LGR5: variants seen among roughly 807,000 people sequenced by gnomAD.
LGR5 encodes the protein leucine-rich repeat-containing G protein-coupled receptor 5.
LGR5 carries 54 observed loss-of-function variants against 76.7 expected under a neutral mutation model. The observed-to-expected ratio is 0.70, with a 90% CI of 0.57 to 0.88. The LOEUF (loss-of-function observed/expected upper bound fraction) is 0.88. LGR5 is among the 40% of genes least tolerant of loss of function. LGR5 has a pLI of 0.00. For missense variants in LGR5, 1,078 were observed against 1,073.3 expected, an observed-to-expected ratio of 1.00 and a Z score of -0.06; for synonymous variants, 406 against 421.9, an observed-to-expected ratio of 0.96 and a Z score of 0.46.
At chr12:71,525,538 A>G (rs1240695316) in intron 3 of LGR5, among the ~76,000 whole-genome samples, 5 of 151,890 alleles carry the variant, frequency 3.3e-5, no homozygotes, top group Admixed American at 1.3e-4. Context: ...AAACCCCCCA[A>G]AAAAATTTGG....
chr12:71,513,636 G>T (rs987507521), intron 2 of LGR5, among the ~76,000 whole-genome samples: 93 of 151,632 alleles, frequency 6.1e-4, no homozygotes, highest in African/African-American at 2.1e-3. Flanking sequence ...ATAGCATCAT[G>T]CCCATAAAGT....
At chr12:71,497,365 G>T (rs149789766) in intron 1 of LGR5, among the ~76,000 whole-genome samples, 2 of 125,396 alleles carry the variant, frequency 1.6e-5, no homozygotes, top group East Asian at 3.9e-4. Flanking sequence ...AGAAAGGAAG[G>T]AAGGAAGGAA....
intron 1 of LGR5, among the ~76,000 whole-genome samples, chr12:71,461,335 T>G (rs1872678742): frequency 6.6e-6 from 1 of 152,182 alleles, no homozygotes; most frequent in African/African-American, 2.4e-5. Context: ...AGGACACAAA[T>G]GAAAATATCA....
At position 71,484,737 on chromosome 12, in the gene LGR5, G is replaced by A. The variant is rs932345336; in HGVS notation, c.213-19877G>A. On this transcript the variant is annotated intron_variant, in intron 1 of 17. Coordinates refer to ENST00000266674, the MANE Select transcript of LGR5 (RefSeq NM_003667.4). The stretch of plus-strand genomic sequence containing the variant: ...TGAGCTGAGTACACACGGTTCCTAC[G>A]AAAGTGACCTCTCCACAAATAACTA... Among the ~76,000 whole-genome samples, 3 of 152,140 alleles carry A rather than the reference G, an allele frequency of 2.0e-5. 1 individual carries two copies. Among genetic ancestry groups the A allele is most frequent in the South Asian group, 4.1e-4 (2 of 4,828 alleles).
At chr12:71,474,898 G>A (rs567308338) in intron 1 of LGR5, among the ~76,000 whole-genome samples, 1 of 152,198 alleles carries the variant, frequency 6.6e-6, no homozygotes, top group Non-Finnish European at 1.5e-5. Flanking sequence ...TTGGCCAAGG[G>A]AGATTAAATT....
chr12:71,572,808 C>T, intron 12 of LGR5, 42 bp from the exon 13 acceptor site: 1 of 1,500,150 alleles, frequency 6.7e-7, no homozygotes, highest in South Asian at 1.1e-5. Flanking sequence ...GTCTTTGAAA[C>T]CAGTAACTTT....
chr12:71,525,870 T>C (rs1875974746), intron 3 of LGR5, among the ~76,000 whole-genome samples: 1 of 151,342 alleles, frequency 6.6e-6, no homozygotes, highest in Non-Finnish European at 1.5e-5. Flanking sequence ...AATTCTTAAA[T>C]ATGAATTATA....
At chr12:71,484,130 A>G (rs1210965543) in intron 1 of LGR5, among the ~76,000 whole-genome samples, 3 of 152,238 alleles carry the variant, frequency 2.0e-5, no homozygotes, top group Admixed American at 6.5e-5. Flanking sequence ...GAAATTGTTC[A>G]TAATTTCTTG....
In LGR5 at chr12:71,584,195, C is replaced by G; in HGVS notation, c.2185C>G (p.Leu729Val). Reference sequence around the variant, plus strand: ...CAGCACCATGGGCTACATGGTCGCTCTCATCTTGCTCAATTCCCTTTGCTT... The same window carrying G: ...CAGCACCATGGGCTACATGGTCGCTGTCATCTTGCTCAATTCCCTTTGCTT... ...EPSTMGYMVA[L>V]ILLNSLCFLM... The change falls in exon 18 of 18, where the codon CTC becomes GTC. Residue 729 changes from leucine (L) to valine (V), a missense_variant. Coordinates refer to ENST00000266674, the MANE Select transcript of LGR5 (RefSeq NM_003667.4). 9 of 1,614,140 alleles carry G rather than the reference C, an allele frequency of 5.6e-6. No homozygotes were observed. Among genetic ancestry groups the G allele is most frequent in the Non-Finnish European group, 7.6e-6 (9 of 1,180,020 alleles).
intron 4 of LGR5, among the ~76,000 whole-genome samples, chr12:71,537,194 A>G (rs528808149): frequency 1.3e-5 from 2 of 152,196 alleles, no homozygotes; most frequent in African/African-American, 4.8e-5. Context: ...AAAAAAAAAA[A>G]AAAAAGCATG....
chr12:71,472,676 A>G (rs935505679), intron 1 of LGR5, among the ~76,000 whole-genome samples: 1 of 152,230 alleles, frequency 6.6e-6, no homozygotes, highest in African/African-American at 2.4e-5. Flanking sequence ...TTGTTTCAAG[A>G]ATGTTGTTAA....
chr12:71,487,408 A>AT (rs1327112894), intron 1 of LGR5, among the ~76,000 whole-genome samples: 2 of 152,026 alleles, frequency 1.3e-5, no homozygotes, highest in East Asian at 1.9e-4. Flanking sequence ...ACTTTTAGTG[A>AT]TTTTTGTCTG....
At chr12:71,455,705 A>C (rs1287671320) in intron 1 of LGR5, among the ~76,000 whole-genome samples, 5 of 152,166 alleles carry the variant, frequency 3.3e-5, no homozygotes, top group Admixed American at 6.5e-5. Flanking sequence ...AGTAGTGCTA[A>C]CTTCATAAAC....
intron 1 of LGR5, among the ~76,000 whole-genome samples, chr12:71,485,872 T>A (rs113932228): frequency 0.023 from 3,429 of 151,878 alleles, 130 homozygotes; most frequent in African/African-American, 0.079. Context: ...TTCAAGTGAT[T>A]CTCCTGCCTC....
intron 1 of LGR5, among the ~76,000 whole-genome samples, chr12:71,453,630 C>T (rs1013625732): frequency 1.3e-5 from 2 of 151,446 alleles, no homozygotes; most frequent in Non-Finnish European, 2.9e-5. Context: ...GAGAGAAGGT[C>T]GGGAATTCAA....
At chr12:71,544,295 C>CT (rs1212836974) in intron 4 of LGR5, among the ~76,000 whole-genome samples, 48 of 86,578 alleles carry the variant, frequency 5.5e-4, no homozygotes, top group Admixed American at 2.9e-3. Context: ...TTTTCTTCGT[C>CT]TTTTTTTTTT....
At chr12:71,503,819 C>A (rs771423528) in intron 1 of LGR5, among the ~76,000 whole-genome samples, 1 of 152,074 alleles carries the variant, frequency 6.6e-6, no homozygotes, top group African/African-American at 2.4e-5. Flanking sequence ...AGTCTTTTGG[C>A]CTCTGAGATA....
intron 1 of LGR5, among the ~76,000 whole-genome samples, chr12:71,478,803 T>G (rs1434369480): frequency 6.6e-6 from 1 of 152,212 alleles, no homozygotes; most frequent in African/African-American, 2.4e-5. Context: ...CTGTTTTTAC[T>G]CCTTTGTTTT....
chr12:71,466,758 G>T (rs1872882207), intron 1 of LGR5, among the ~76,000 whole-genome samples: 1 of 151,970 alleles, frequency 6.6e-6, no homozygotes, highest in South Asian at 2.1e-4. Flanking sequence ...GGTATCTAAG[G>T]TCTGGTTGTC....
Sources: allele counts gnomAD v4.1 joint callset (sites outside exome capture counted in the v4.1 genomes callset), GRCh38; gene constraint gnomAD v4.1.1; transcripts MANE v1.5; gene names NCBI Gene and HGNC (gene_info 2026-07-23, HGNC 2026-07-21).